Variants in SEC31B observed in about 807,000 individuals in gnomAD.
SEC31B encodes protein transport protein Sec31B.
Under a neutral mutation model 135.0 loss-of-function variants are expected in SEC31B, and 113 were observed. The observed-to-expected ratio is 0.84, with a 90% CI of 0.72 to 0.98. The LOEUF (loss-of-function observed/expected upper bound fraction) is 0.98. Among genes scored for constraint, SEC31B ranks in the 50% least tolerant of loss-of-function variants. The pLI, the probability that SEC31B is intolerant of heterozygous loss-of-function variation, is 0.00. For synonymous variants in SEC31B, 508 were observed against 549.4 expected, an observed-to-expected ratio of 0.92 and a Z score of 1.05; for missense variants, 1,296 against 1,421.1, an observed-to-expected ratio of 0.91 and a Z score of 1.42.
intron 10 of SEC31B, 94 bp downstream of exon 10, chr10:100,505,267 A>T (rs781416545): frequency 1.3e-6 from 2 of 1,498,358 alleles, no homozygotes; most frequent in Non-Finnish European, 1.8e-6. Context: ...TACAAAACTT[A>T]GCTCCATGCT....
Position 100,497,143 on chromosome 10 carries a change from C to G in SEC31B, c.2128G>C (p.Ala710Pro). 1 of 1,614,140 alleles carries G rather than the reference C, an allele frequency of 6.2e-7. No individual in the cohort carries two copies. Among genetic ancestry groups the G allele is most frequent in the Non-Finnish European group, 8.5e-7 (1 of 1,180,030 alleles). ...AKCHQALSPM[A>P]LQDLMEKVMV... Reference sequence around the variant, plus strand: ...CTGCAGAGAAGGGGTACCTGCAGAGCCATGGGGGACAAAGCCTGGTGGCAT... The same window carrying G: ...CTGCAGAGAAGGGGTACCTGCAGAGGCATGGGGGACAAAGCCTGGTGGCAT... Residue 710 changes from alanine to proline, a missense_variant, in exon 17 of 26, where the codon GCT becomes CCT. Coordinates refer to ENST00000370345, the MANE Select transcript of SEC31B (RefSeq NM_015490.4).
At position 100,506,050 on chromosome 10, in the gene SEC31B, T is replaced by C; in HGVS notation, c.1034A>G (p.Gln345Arg). Residue 345 changes from glutamine (Q) to arginine (R), a missense_variant, in exon 9 of 26, where the codon CAG becomes CGG. Gln to Arg is a conservative substitution (Grantham distance 43). Coordinates refer to ENST00000370345, the MANE Select transcript of SEC31B (RefSeq NM_015490.4). ...CCAAGCCCTTCAAACCTTGTCAGCCTGTCTCATATGCTGGACTTCCCAGCT... is the reference window on the plus strand; with the variant it reads ...CCAAGCCCTTCAAACCTTGTCAGCCCGTCTCATATGCTGGACTTCCCAGCT... ...GRSWEVQHMR[Q>R]ADKISSSFSK... The C allele has an allele frequency of 6.2e-7, 1 of 1,613,886 alleles. No individual in the cohort carries two copies. Among genetic ancestry groups the C allele is most frequent in the Admixed American group, 1.7e-5 (1 of 60,020 alleles).
rs1589734499 is a variant in SEC31B at position 100,499,260 on chromosome 10, T to C, written c.1486-2A>G. 1.9e-6 allele frequency: 3 copies of C among 1,609,640 alleles called. No homozygotes were observed. The highest frequency in any genetic ancestry group is 2.5e-6 in the Non-Finnish European group (3 of 1,177,504). ...GTCACTCTTCAACCATGTGGCCACC[T>C]GCAGGGAGAGACCTCTGAAAACCGC... On this transcript the variant is annotated splice_acceptor_variant, in intron 12 of 25. Transcript: ENST00000370345. LOFTEE classifies it high-confidence loss of function.
chr10:100,492,856 AAAATT>A (rs1162048305), intron 19 of SEC31B, among the ~76,000 whole-genome samples: 1 of 152,244 alleles, frequency 6.6e-6, no homozygotes, highest in Admixed American at 6.5e-5. Context: ...GGTGATATAA[AAAATT>A]AAATACTTAA....
intron 23 of SEC31B, 90 bp downstream of exon 23, chr10:100,489,162 G>A (rs1194857518): frequency 2.4e-5 from 35 of 1,477,524 alleles, no homozygotes; most frequent in Non-Finnish European, 3.2e-5. Context: ...CTCAGCACAT[G>A]CCTTGAGGAA....
Position 100,487,389 on chromosome 10 carries a change from C to A in SEC31B, c.*227G>T. 2 of 558,112 alleles carry A rather than the reference C, an allele frequency of 3.6e-6. No homozygotes were observed. Among genetic ancestry groups the A allele is most frequent in the Non-Finnish European group, 3.2e-6 (1 of 312,574 alleles). 34.6% of individuals were successfully genotyped at this position (558,112 alleles called of 1,614,324 possible). ...GAGAGTGAAGAACTGATTCTATGCCCTGCCTCCAGGCCTGAGAGTGTCTTG... is the reference window on the plus strand; with the variant it reads ...GAGAGTGAAGAACTGATTCTATGCCATGCCTCCAGGCCTGAGAGTGTCTTG... On this transcript the variant is annotated 3_prime_UTR_variant, in exon 26 of 26. Coordinates refer to ENST00000370345, the MANE Select transcript of SEC31B (RefSeq NM_015490.4).
At position 100,495,546 on chromosome 10, in the gene SEC31B, G is replaced by C. The variant is rs1355822073; in HGVS notation, c.2311C>G (p.Pro771Ala). 9 of 1,611,652 alleles carry C rather than the reference G, an allele frequency of 5.6e-6. No homozygotes were observed. The highest frequency in any genetic ancestry group is 7.6e-6 in the Non-Finnish European group (9 of 1,179,144). Reference protein sequence around the residue: ...MSFLPRDCAQPPVQQLRDRLF... With the variant: ...MSFLPRDCAQAPVQQLRDRLF... ...CGATCTCTTAGCTGCTGAACTGGTG[G>C]CTATAAGTTTTAATGAGGAAGAGCT... is the stretch of plus-strand genomic sequence containing the variant. Residue 771 changes from proline (P) to alanine (A), a missense_variant and splice_region_variant, in exon 19 of 26, where the codon CCA becomes GCA. Pro to Ala is a conservative substitution (Grantham distance 27). Coordinates refer to ENST00000370345, the MANE Select transcript of SEC31B (RefSeq NM_015490.4).
In SEC31B at chr10:100,509,519, G is replaced by A; in HGVS notation, c.204-8C>T. The A allele has an allele frequency of 6.2e-7, 1 of 1,602,318 alleles. No homozygotes were observed. The highest frequency in any genetic ancestry group is 8.5e-7 in the Non-Finnish European group (1 of 1,172,796). On this transcript the variant is annotated splice_polypyrimidine_tract_variant and splice_region_variant and intron_variant, in intron 3 of 25. Coordinates refer to ENST00000370345, the MANE Select transcript of SEC31B (RefSeq NM_015490.4). ...CAGACCAGCTTGTGAAACCTATAAA[G>A]AGGAGGAACTGGCATCAGTACAAAC...
chr10:100,499,130 T>C (rs374382342), intron 13 of SEC31B, 30 bp downstream of exon 13: 62 of 1,580,432 alleles, frequency 3.9e-5, no homozygotes, highest in Non-Finnish European at 5.4e-5. Flanking sequence ...TGTGTTACCA[T>C]AGGTCAGGCT....
At chr10:100,511,939 A>G (rs1221500788) in intron 3 of SEC31B, among the ~76,000 whole-genome samples, 1 of 152,256 alleles carries the variant, frequency 6.6e-6, no homozygotes, top group East Asian at 1.9e-4. Context: ...AAAGGTTCAG[A>G]GAAGTTAAAG....
chr10:100,497,570 A>G, intron 16 of SEC31B, 97 bp downstream of exon 16: 2 of 1,592,070 alleles, frequency 1.3e-6, no homozygotes, highest in Non-Finnish European at 1.7e-6. Flanking sequence ...CTCGCCTCCC[A>G]CAGCTCAGTC....
chr10:100,489,868 C>A, intron 21 of SEC31B, 107 bp from the exon 22 acceptor site: 1 of 1,568,842 alleles, frequency 6.4e-7, no homozygotes, highest in South Asian at 1.2e-5. Flanking sequence ...CCATACCTCC[C>A]TCTGCAGACC....
chr10:100,489,676 G>A (rs773268743), intron 22 of SEC31B, 27 bp downstream of exon 22: 2 of 1,614,148 alleles, frequency 1.2e-6, no homozygotes, highest in Non-Finnish European at 1.7e-6. Flanking sequence ...AATGTGCGAG[G>A]GAGTGGGTAG....
chr10:100,511,196 C>T (rs1484656549), intron 3 of SEC31B, among the ~76,000 whole-genome samples: 1 of 152,214 alleles, frequency 6.6e-6, no homozygotes, highest in African/African-American at 2.4e-5. Flanking sequence ...GATTTTCTTT[C>T]TGTATGCATA....
intron 9 of SEC31B, chr10:100,505,795 C>T: frequency 1.4e-6 from 2 of 1,426,546 alleles, no homozygotes; most frequent in Non-Finnish European, 1.8e-6. Flanking sequence ...CAAAGGGGTC[C>T]CACGGTCCCT....
chr10:100,509,295 T>C, intron 4 of SEC31B, 21 bp downstream of exon 4: 1 of 1,608,982 alleles, frequency 6.2e-7, no homozygotes, highest in Non-Finnish European at 8.5e-7. Context: ...TGGCCATGTT[T>C]GACTAACTGA....
intron 10 of SEC31B, 137 bp from the exon 11 acceptor site, chr10:100,502,621 T>C (rs1208804661): frequency 1.6e-6 from 1 of 626,530 alleles, no homozygotes; most frequent in East Asian, 2.8e-5. Flanking sequence ...TCCTGGGGGG[T>C]GGAATAGGAT....
At chr10:100,499,048 A>G in intron 13 of SEC31B, 112 bp downstream of exon 13, 1 of 860,320 alleles carries the variant, frequency 1.2e-6, no homozygotes, top group South Asian at 1.5e-5. Flanking sequence ...GAAGACTTCT[A>G]CAGACGCTAA....
intron 19 of SEC31B, among the ~76,000 whole-genome samples, chr10:100,492,032 T>C (rs1159212166): frequency 1.3e-5 from 2 of 152,240 alleles, no homozygotes; most frequent in African/African-American, 4.8e-5. Context: ...TTCTGTTCTT[T>C]ATAAATTTCC....
Sources: allele counts gnomAD v4.1 joint callset (sites outside exome capture counted in the v4.1 genomes callset), GRCh38; gene constraint gnomAD v4.1.1; transcripts MANE v1.5; gene names NCBI Gene and HGNC (gene_info 2026-07-23, HGNC 2026-07-21).